Variants in RBFOX1 observed in about 807,000 individuals in gnomAD.
The protein encoded by RBFOX1 is RNA binding fox-1 homolog 1, also known as RNA binding protein fox-1 homolog 1.
In RBFOX1, 8 loss-of-function variants were observed where a neutral mutation model predicts 57.7. That is an observed-to-expected ratio of 0.14 (90% CI 0.08 to 0.25). The LOEUF (loss-of-function observed/expected upper bound fraction) is 0.25. Among genes scored for constraint, RBFOX1 ranks in the 10% least tolerant of loss-of-function variants. The pLI is 1.00. For missense variants in RBFOX1, 611 were observed against 548.5 expected, an observed-to-expected ratio of 1.11 and a Z score of -1.14; for synonymous variants, 326 against 222.4, an observed-to-expected ratio of 1.47 and a Z score of -4.15.
chr16:7,532,830 C>T (rs551703626), intron 5 of RBFOX1, among the ~76,000 whole-genome samples: 30 of 152,304 alleles, frequency 2.0e-4, no homozygotes, highest in African/African-American at 6.5e-4. Context: ...GCCCACAGAG[C>T]CAAAATTATG....
intron 2 of RBFOX1, among the ~76,000 whole-genome samples, chr16:6,588,469 A>G (rs1052658585): frequency 1.3e-5 from 2 of 152,080 alleles, no homozygotes; most frequent in Non-Finnish European, 2.9e-5. Flanking sequence ...CCTGGCCAAC[A>G]TGACAAAACC....
At chr16:6,719,920 C>T (rs1037645886) in intron 3 of RBFOX1, among the ~76,000 whole-genome samples, 1 of 151,662 alleles carries the variant, frequency 6.6e-6, no homozygotes, top group Non-Finnish European at 1.5e-5. Flanking sequence ...TGGTGAAAAC[C>T]CATCTCTACT....
At chr16:5,344,509 C>G (rs1304696279) in intron 1 of RBFOX1, among the ~76,000 whole-genome samples, 1 of 152,208 alleles carries the variant, frequency 6.6e-6, no homozygotes, top group African/African-American at 2.4e-5. Context: ...CAATTCAAAA[C>G]TTGCCAGTTC....
chr16:7,548,141 C>T (rs1357533192), intron 5 of RBFOX1, among the ~76,000 whole-genome samples: 1 of 152,052 alleles, frequency 6.6e-6, no homozygotes, highest in Non-Finnish European at 1.5e-5. Context: ...AGGAGTTATT[C>T]ACGTCATATT....
At chr16:7,451,161 G>A (rs1252617428) in intron 4 of RBFOX1, among the ~76,000 whole-genome samples, 4 of 152,200 alleles carry the variant, frequency 2.6e-5, no homozygotes, top group African/African-American at 9.7e-5. Flanking sequence ...TCTGGGGGAT[G>A]AGGTTGTGCA....
At chr16:6,374,146 G>T (rs926656621) in intron 2 of RBFOX1, among the ~76,000 whole-genome samples, 1 of 152,170 alleles carries the variant, frequency 6.6e-6, no homozygotes, top group Admixed American at 6.5e-5. Flanking sequence ...GTGTGGACTT[G>T]ATTCATTGTC....
intron 4 of RBFOX1, among the ~76,000 whole-genome samples, chr16:7,363,625 A>C (rs2097373782): frequency 6.6e-6 from 1 of 152,204 alleles, no homozygotes; most frequent in African/African-American, 2.4e-5. Context: ...ATGAGTTCAC[A>C]GAACCTTTAA....
At chr16:6,252,520 C>T (rs12918682) in intron 1 of RBFOX1, among the ~76,000 whole-genome samples, 2,111 of 152,222 alleles carry the variant, frequency 0.014, 22 homozygotes, top group Non-Finnish European at 0.021. Flanking sequence ...GTTGGGAAGT[C>T]GACCCGAAGG....
At chr16:7,328,405 G>A (rs531204805) in intron 4 of RBFOX1, among the ~76,000 whole-genome samples, 105 of 150,474 alleles carry the variant, frequency 7.0e-4, no homozygotes, top group African/African-American at 2.5e-3. Flanking sequence ...GCTTGAATTC[G>A]GGTGGCAGAG....
intron 4 of RBFOX1, among the ~76,000 whole-genome samples, chr16:7,345,761 G>A (rs2096987907): frequency 6.6e-6 from 1 of 152,172 alleles, no homozygotes; most frequent in South Asian, 2.1e-4. Context: ...CCAAACAGTT[G>A]TGGGATTTGG....
At chr16:5,362,858 G>T (rs111596075) in intron 1 of RBFOX1, among the ~76,000 whole-genome samples, 1 of 151,924 alleles carries the variant, frequency 6.6e-6, no homozygotes, top group Non-Finnish European at 1.5e-5. Context: ...GTCAAATGTG[G>T]CAGGGTTTCC....
chr16:5,243,156 A>G (rs1453771771), intron 1 of RBFOX1, among the ~76,000 whole-genome samples: 2 of 152,290 alleles, frequency 1.3e-5, no homozygotes, highest in South Asian at 2.1e-4. Flanking sequence ...TGTCTGACCC[A>G]CAGCTGTTCC....
At chr16:6,020,743 G>C (rs1596437474) in intron 1 of RBFOX1, among the ~76,000 whole-genome samples, 1 of 152,266 alleles carries the variant, frequency 6.6e-6, no homozygotes, top group Non-Finnish European at 1.5e-5. Context: ...TCCAGCTATG[G>C]AAGCGAGGGC....
chr16:5,266,758 T>C (rs1198997906), intron 1 of RBFOX1, among the ~76,000 whole-genome samples: 1 of 151,910 alleles, frequency 6.6e-6, no homozygotes. Context: ...GGGGTCTCAC[T>C]ATATTGCCCA....
At chr16:6,886,411 A>G (rs2064040536) in intron 3 of RBFOX1, among the ~76,000 whole-genome samples, 1 of 151,998 alleles carries the variant, frequency 6.6e-6, no homozygotes, top group Non-Finnish European at 1.5e-5. Context: ...AGGTTACCAA[A>G]TAAATTTTGT....
intron 4 of RBFOX1, among the ~76,000 whole-genome samples, chr16:7,217,388 C>T (rs559872138): frequency 6.8e-6 from 1 of 148,140 alleles, no homozygotes; most frequent in African/African-American, 2.5e-5. Flanking sequence ...CTTGGCCTCC[C>T]AAAGTGCTGG....
intron 4 of RBFOX1, among the ~76,000 whole-genome samples, chr16:7,199,012 C>G (rs1277955903): frequency 6.6e-6 from 1 of 152,092 alleles, no homozygotes; most frequent in Non-Finnish European, 1.5e-5. Context: ...GGAGACAGCT[C>G]CAAGCACCAG....
At chr16:5,757,460 G>A (rs2053441213) in intron 3 of RBFOX1, among the ~76,000 whole-genome samples, 1 of 152,046 alleles carries the variant, frequency 6.6e-6, no homozygotes, top group African/African-American at 2.4e-5. Flanking sequence ...TCGATCTCTT[G>A]ACCTTGTGAT....
intron 1 of RBFOX1, among the ~76,000 whole-genome samples, chr16:6,263,663 C>T (rs1023462040): frequency 1.1e-4 from 17 of 152,168 alleles, no homozygotes; most frequent in African/African-American, 2.4e-4. Flanking sequence ...CTGCTCCTTT[C>T]CTAGTTGGCA....
Sources: gnomAD v4.1 joint callset for allele counts (sites outside exome capture counted in the v4.1 genomes callset) on GRCh38, gnomAD v4.1.1 for gene constraint, MANE v1.5 for transcripts, NCBI Gene and HGNC (gene_info 2026-07-23, HGNC 2026-07-21) for gene names.